Variants in VIT observed in about 807,000 individuals in gnomAD.
VIT encodes the protein vitrin.
Under a neutral mutation model 78.0 loss-of-function variants are expected in VIT, and 99 were observed. The ratio of observed to expected loss-of-function variants is 1.27; its 90% CI spans 1.08 to 1.50. The LOEUF (loss-of-function observed/expected upper bound fraction) is 1.50, where lower values mean the gene tolerates loss of function less well. VIT is among the 40% of genes most tolerant of loss of function. The pLI is 0.00. For synonymous variants in VIT, 374 were observed against 334.3 expected (o/e 1.12, Z -1.29); for missense variants, 1,126 against 875.3 (o/e 1.29, Z -3.61).
chr2:36,814,430 A>G lies in VIT; in HGVS notation c.*69A>G. On this transcript the variant is annotated 3_prime_UTR_variant, in exon 16 of 16. Transcript: ENST00000379242. ...GACGTGTTGGACCACCCCACCGCTT[A>G]ATGGGGCACGCACGGTGCATCAAGT... 6.4e-7 allele frequency: 1 copy of G among 1,568,910 alleles called. No homozygotes were observed. Among genetic ancestry groups the G allele is most frequent in the Non-Finnish European group, 8.7e-7 (1 of 1,149,688 alleles).
intron 4 of VIT, among the ~76,000 whole-genome samples, chr2:36,754,089 T>A (rs1668626446): frequency 2.0e-5 from 3 of 152,190 alleles, no homozygotes; most frequent in African/African-American, 7.2e-5. Flanking sequence ...GCTTTACATG[T>A]TGAGTAGTAT....
rs1665170408 is a variant in VIT at position 36,787,282 on chromosome 2, T to G, written c.1058+6T>G. The G allele has an allele frequency of 1.2e-6, 2 of 1,608,362 alleles. No individual in the cohort carries two copies. Among genetic ancestry groups the G allele is most frequent in the Non-Finnish European group, 1.7e-6 (2 of 1,176,456 alleles). On this transcript the variant is annotated splice_donor_region_variant and intron_variant, in intron 12 of 15. Coordinates refer to ENST00000379242, the MANE Select transcript of VIT (RefSeq NM_053276.4). ...ATGGGTGTTGTCCAGTATGGGTAAG[T>G]GCAGTTAATGTTCTGAATCCAGAAA...
In VIT at chr2:36,758,978, C is replaced by T. The variant is rs1477285211; in HGVS notation, c.419C>T (p.Pro140Leu). 6.2e-7 allele frequency: 1 copy of T among 1,612,852 alleles called. No homozygotes were observed. The highest frequency in any genetic ancestry group is 1.3e-5 in the African/African-American group (1 of 74,784). ...TTTCTCTTTTTTGCAGAAAGTAAAC[C>T]CAAAAAGGGTGTAACCTACCCATCA... ...RESFIVLESK[P>L]KKGVTYPSAL... is the part of the protein sequence containing the mutation. Residue 140 changes from proline to leucine, a missense_variant, in exon 6 of 16, where the codon CCC becomes CTC. Physicochemically the swap from Pro to Leu is moderately conservative, Grantham distance 98. Coordinates refer to ENST00000379242, the MANE Select transcript of VIT (RefSeq NM_053276.4).
rs1448272199 is a variant in VIT, at chr2:36,808,931, G to A, written c.1849G>A (p.Asp617Asn). 9.9e-6 allele frequency: 16 copies of A among 1,612,792 alleles called. No individual in the cohort carries two copies. Among genetic ancestry groups the A allele is most frequent in the African/African-American group, 1.3e-5 (1 of 74,912 alleles). ...NKRKLMILITDGRSYDDVRIP... is the reference protein window; with the variant it reads ...NKRKLMILITNGRSYDDVRIP... Reference sequence around the variant, plus strand: ...GAGGAAGTTAATGATCCTCATCACCGACGGGAGGTCCTACGACGACGTCCG... The same window carrying A: ...GAGGAAGTTAATGATCCTCATCACCAACGGGAGGTCCTACGACGACGTCCG... Residue 617 changes from aspartate (D) to asparagine (N), a missense_variant, in exon 15 of 16, where the codon GAC becomes AAC. By Grantham distance (23) the Asp-to-Asn change is conservative. Coordinates refer to ENST00000379242, the MANE Select transcript of VIT (RefSeq NM_053276.4).
intron 4 of VIT, among the ~76,000 whole-genome samples, chr2:36,745,175 A>G (rs997244130): frequency 2.0e-5 from 3 of 152,002 alleles, no homozygotes; most frequent in African/African-American, 4.8e-5. Flanking sequence ...CGTCGTCTAC[A>G]TGTCCGGTTT....
At chr2:36,722,676 A>G (rs1182866431) in intron 2 of VIT, among the ~76,000 whole-genome samples, 1 of 152,222 alleles carries the variant, frequency 6.6e-6, no homozygotes, top group Non-Finnish European at 1.5e-5. Flanking sequence ...ATGGGCTAGA[A>G]TGAGGCATGC....
At chr2:36,781,837 G>C in intron 10 of VIT, 66 bp downstream of exon 10, 2 of 1,587,900 alleles carry the variant, frequency 1.3e-6, no homozygotes, top group Non-Finnish European at 1.7e-6. Context: ...AGAACTAAGA[G>C]TCTAATAATC....
At chr2:36,731,829 G>C (rs1667227772) in intron 3 of VIT, among the ~76,000 whole-genome samples, 1 of 152,162 alleles carries the variant, frequency 6.6e-6, no homozygotes, top group African/African-American at 2.4e-5. Context: ...CTCCACAACT[G>C]AAACTTTCTT....
At chr2:36,738,229 A>G (rs1280120024) in intron 3 of VIT, among the ~76,000 whole-genome samples, 1 of 152,202 alleles carries the variant, frequency 6.6e-6, no homozygotes, top group African/African-American at 2.4e-5. Flanking sequence ...GCTGCAGTTT[A>G]ACTTCTTCCC....
At chr2:36,717,334 ATGTGTGTGTGTGTGTGTGTGTG>A (rs70946944) in intron 2 of VIT, among the ~76,000 whole-genome samples, 97 of 64,132 alleles carry the variant, frequency 1.5e-3, no homozygotes, top group South Asian at 3.9e-3. Flanking sequence ...CGCCTGGCTA[ATGTGTGTGTGTGTGTGTGTGTG>A]TGTGTGTGTG....
At chr2:36,716,492 GAA>G in intron 2 of VIT, 70 bp downstream of exon 2, 1 of 1,479,258 alleles carries the variant, frequency 6.8e-7, no homozygotes, top group Non-Finnish European at 9.4e-7. Context: ...ATCTAGCCAA[GAA>G]AAGTTTTAAA....
intron 6 of VIT, among the ~76,000 whole-genome samples, chr2:36,761,610 C>T (rs931048898): frequency 2.6e-5 from 4 of 151,998 alleles, no homozygotes; most frequent in Admixed American, 6.6e-5. Context: ...CGTGGTGACA[C>T]GTGCCTGTAG....
At chr2:36,810,583 T>C (rs1051007806) in intron 15 of VIT, among the ~76,000 whole-genome samples, 9 of 151,970 alleles carry the variant, frequency 5.9e-5, no homozygotes, top group Admixed American at 2.0e-4. Flanking sequence ...AATATGAATA[T>C]ACACAACTCA....
intron 12 of VIT, among the ~76,000 whole-genome samples, chr2:36,795,268 T>C (rs1665793901): frequency 6.6e-6 from 1 of 151,982 alleles, no homozygotes; most frequent in Non-Finnish European, 1.5e-5. Flanking sequence ...TGGATATGTG[T>C]AGAGGTGGGG....
chr2:36,716,789 C>T (rs564210762), intron 2 of VIT, among the ~76,000 whole-genome samples: 4 of 151,330 alleles, frequency 2.6e-5, no homozygotes, highest in East Asian at 1.9e-4. Context: ...TTCTTAATTT[C>T]GCAAACAAAT....
At position 36,771,256 on chromosome 2, in the gene VIT, C is replaced by G. The variant is rs953811199; in HGVS notation, c.680-2535C>G. ...ATAAAAATGTTCGGCTTTGCCGGTCCCGGTGGCTCACGCCTGTAATCTCAG... is the reference window on the plus strand; with the variant it reads ...ATAAAAATGTTCGGCTTTGCCGGTCGCGGTGGCTCACGCCTGTAATCTCAG... On this transcript the variant is annotated intron_variant, in intron 7 of 15. Coordinates refer to ENST00000379242, the MANE Select transcript of VIT (RefSeq NM_053276.4). 1.6e-4 allele frequency among the ~76,000 whole-genome samples: 25 copies of G among 152,244 alleles called. 1 individual carries two copies. Among genetic ancestry groups the G allele is most frequent in the South Asian group, 4.1e-4 (2 of 4,824 alleles).
intron 7 of VIT, among the ~76,000 whole-genome samples, chr2:36,773,328 T>C (rs1669864816): frequency 6.6e-6 from 1 of 152,090 alleles, no homozygotes; most frequent in South Asian, 2.1e-4. Flanking sequence ...CTCTTTTTTT[T>C]TTTTTCATTT....
intron 4 of VIT, among the ~76,000 whole-genome samples, chr2:36,747,925 C>G (rs1205281048): frequency 6.6e-6 from 1 of 151,828 alleles, no homozygotes; most frequent in Non-Finnish European, 1.5e-5. Flanking sequence ...TCCCTTAAGG[C>G]CCTGTTGTAT....
rs1471769550 is a variant in VIT, at chr2:36,716,362, C to T, written c.-9C>T. ...GTTTCTTTCTCTCCAGGGTGTCATT[C>T]TGATATTTATGAGGACTGTTGTTCT... On this transcript the variant is annotated 5_prime_UTR_variant, in exon 2 of 16. Coordinates refer to ENST00000379242, the MANE Select transcript of VIT (RefSeq NM_053276.4). The T allele has an allele frequency of 1.9e-6, 3 of 1,613,342 alleles. No homozygotes were observed. In the Admixed American group the frequency reaches 5.0e-5, roughly 27 times the overall value.
Sources: allele counts gnomAD v4.1 joint callset (sites outside exome capture counted in the v4.1 genomes callset), GRCh38; gene constraint gnomAD v4.1.1; transcripts MANE v1.5; gene names NCBI Gene and HGNC (gene_info 2026-07-23, HGNC 2026-07-21).